ARAP2: variants seen among roughly 807,000 people sequenced by gnomAD.
The protein encoded by ARAP2 is arf-GAP with Rho-GAP domain, ANK repeat and PH domain-containing protein 2.
In ARAP2, 148 loss-of-function variants were observed where a neutral mutation model predicts 194.5. The ratio of observed to expected loss-of-function variants is 0.76; its 90% CI spans 0.67 to 0.87. The LOEUF is 0.87. Ranked by LOEUF, ARAP2 falls within the 40% of genes least tolerant of loss-of-function variation. The pLI is 0.00. For synonymous variants in ARAP2, 695 were observed against 683.5 expected, an observed-to-expected ratio of 1.02 and a Z score of -0.26; for missense variants, 2,128 against 1,989.7, an observed-to-expected ratio of 1.07 and a Z score of -1.32.
At chr4:36,234,220 G>A (rs896046823) in intron 1 of ARAP2, among the ~76,000 whole-genome samples, 4 of 152,206 alleles carry the variant, frequency 2.6e-5, no homozygotes, top group Non-Finnish European at 4.4e-5. Flanking sequence ...CAACAGAAGT[G>A]CATTGCTCAG....
At chr4:36,198,445 G>A (rs942409399) in intron 6 of ARAP2, among the ~76,000 whole-genome samples, 4 of 152,198 alleles carry the variant, frequency 2.6e-5, no homozygotes, top group African/African-American at 9.6e-5. Context: ...ACTCACCAAG[G>A]ACCTGCCCCC....
chr4:36,164,091 T>G (rs1472691326), intron 11 of ARAP2, among the ~76,000 whole-genome samples: 1 of 152,212 alleles, frequency 6.6e-6, no homozygotes, highest in East Asian at 1.9e-4. Flanking sequence ...GTCTCATTAT[T>G]GTGGAGGAAA....
intron 6 of ARAP2, 64 bp downstream of exon 6, chr4:36,210,326 A>G: frequency 1.4e-6 from 2 of 1,436,768 alleles, no homozygotes; most frequent in South Asian, 2.9e-5. Flanking sequence ...CTGGAGGTTT[A>G]GAAATGAATA....
intron 1 of ARAP2, among the ~76,000 whole-genome samples, chr4:36,240,458 AC>A (rs1280882289): frequency 1.3e-5 from 2 of 152,284 alleles, no homozygotes; most frequent in African/African-American, 4.8e-5. Context: ...AAGACTTAAC[AC>A]CTGGGACACA....
At chr4:36,236,921 A>T (rs117559785) in intron 1 of ARAP2, among the ~76,000 whole-genome samples, 1 of 152,322 alleles carries the variant, frequency 6.6e-6, no homozygotes, top group East Asian at 1.9e-4. Context: ...ATGGTACCCA[A>T]CACTACGGAT....
chr4:36,049,712 T>C (rs1263868776), intron 3 of ARAP2, among the ~76,000 whole-genome samples: 1 of 152,124 alleles, frequency 6.6e-6, no homozygotes, highest in Non-Finnish European at 1.5e-5. Context: ...CATTAAGAGT[T>C]AAATAATGTT....
At chr4:36,045,833 T>A (rs1721747979) in intron 5 of ARAP2, 1 of 151,696 alleles carries the variant, frequency 6.6e-6, no homozygotes, top group African/African-American at 2.4e-5. Context: ...TTATTGACAA[T>A]GATCAAATTA....
At chr4:36,146,768 GT>G (rs1207381595) in intron 19 of ARAP2, among the ~76,000 whole-genome samples, 2 of 151,914 alleles carry the variant, frequency 1.3e-5, no homozygotes. Flanking sequence ...TGCTTACACT[GT>G]TTTCCCTAAT....
intron 5 of ARAP2, among the ~76,000 whole-genome samples, chr4:36,020,006 T>C (rs1716623505): frequency 6.6e-6 from 1 of 152,168 alleles, no homozygotes; most frequent in Admixed American, 6.5e-5. Context: ...AGTTTAGGCA[T>C]AGTAAGAGAT....
chr4:36,009,907 C>G (rs12644957), intron 9 of ARAP2, among the ~76,000 whole-genome samples: 26,902 of 145,608 alleles, frequency 0.18, 2,751 homozygotes, highest in Middle Eastern at 0.22. Context: ...GTGGAATCAT[C>G]AGTGGAAAAT....
chr4:36,124,898 C>T lies in ARAP2; in HGVS notation c.3710G>A (p.Arg1237Gln), dbSNP rs566632802. ...AFIRSLPGVN[R>Q]ATLAAIIEHL... is the part of the protein sequence containing the mutation. ...TTCAATGATAGCTGCTAGTGTTGCT[C>T]GGTTGACCCCTGGAAGAGAACGTAT... Residue 1237 changes from arginine (R) to glutamine (Q), a missense_variant, in exon 22 of 33, where the codon CGA becomes CAA. Coordinates refer to ENST00000303965, the MANE Select transcript of ARAP2 (RefSeq NM_015230.4). 1.7e-5 allele frequency: 28 copies of T among 1,610,990 alleles called. No individual in the cohort carries two copies. The highest frequency in any genetic ancestry group is 1.7e-4 in the Middle Eastern group (1 of 6,042).
At chr4:36,082,153 C>T (rs966250101) in intron 30 of ARAP2, 98 bp downstream of exon 30, 11 of 1,169,068 alleles carry the variant, frequency 9.4e-6, no homozygotes, top group Non-Finnish European at 1.4e-5. Flanking sequence ...AGGCAAAACA[C>T]TTTCCGTCTG....
chr4:36,235,039 A>G (rs1488937078), intron 1 of ARAP2, among the ~76,000 whole-genome samples: 5 of 152,198 alleles, frequency 3.3e-5, no homozygotes, highest in Admixed American at 3.3e-4. Context: ...ATATCACTCA[A>G]TAAACAGCAC....
At chr4:36,163,772 T>C (rs1180776204) in intron 11 of ARAP2, among the ~76,000 whole-genome samples, 2 of 151,666 alleles carry the variant, frequency 1.3e-5, no homozygotes, top group South Asian at 2.1e-4. Context: ...GAAGCAAAGG[T>C]AGAAAAAAAC....
chr4:36,075,505 C>A (rs577222857), intron 31 of ARAP2, among the ~76,000 whole-genome samples: 2 of 152,162 alleles, frequency 1.3e-5, no homozygotes, highest in African/African-American at 4.8e-5. Context: ...ATTTTCTAAC[C>A]TTTGCCTATC....
Position 36,205,857 on chromosome 4 carries a change from G to A in ARAP2, c.1487+4533C>T, listed in dbSNP as rs138081999. Among the ~76,000 whole-genome samples the A allele has an allele frequency of 1.3e-4, 20 of 152,196 alleles. No homozygotes were observed. The East Asian group carries it at 1.7e-3, about 13-fold the overall frequency. The stretch of plus-strand genomic sequence containing the variant: ...TTTTATGGAGAATGAAACTTTTTTC[G>A]TCCTCAAACTACAAAAATATTAAAG... On this transcript the variant is annotated intron_variant, in intron 6 of 32. Coordinates refer to ENST00000303965, the MANE Select transcript of ARAP2 (RefSeq NM_015230.4).
chr4:36,100,992 A>C (rs1249872057), intron 27 of ARAP2, among the ~76,000 whole-genome samples: 2 of 152,074 alleles, frequency 1.3e-5, no homozygotes, highest in Non-Finnish European at 2.9e-5. Context: ...AGCACATCAA[A>C]AAATGTTTGA....
chr4:36,206,136 G>A (rs1450489046), intron 6 of ARAP2, among the ~76,000 whole-genome samples: 1 of 152,076 alleles, frequency 6.6e-6, no homozygotes, highest in Non-Finnish European at 1.5e-5. Flanking sequence ...TAGCCAGGTG[G>A]AGAACTGTTC....
chr4:36,016,591 G>A lies in ARAP2; in HGVS notation n.751-633C>T, dbSNP rs529522750. 1.1e-4 allele frequency among the ~76,000 whole-genome samples: 16 copies of A among 152,222 alleles called. No homozygotes were observed. The South Asian group carries it at 3.3e-3, about 32-fold the overall frequency. Reference sequence around the variant, plus strand: ...CTTCAGAAATTTATAAAACTAATTAGTACCAATGGGTATCTTTGAGGAAGG... The same window carrying A: ...CTTCAGAAATTTATAAAACTAATTAATACCAATGGGTATCTTTGAGGAAGG... On this transcript the variant is annotated intron_variant and non_coding_transcript_variant, in intron 6 of 12. Coordinates refer to the ARAP2 transcript ENST00000503225.
Sources: allele counts gnomAD v4.1 joint callset (sites outside exome capture counted in the v4.1 genomes callset), GRCh38; gene constraint gnomAD v4.1.1; transcripts MANE v1.5; gene names NCBI Gene and HGNC (gene_info 2026-07-23, HGNC 2026-07-21).